Variants in DCDC1 observed in about 807,000 individuals in gnomAD.
The protein encoded by DCDC1 is doublecortin domain-containing protein 1.
DCDC1 carries 200 observed loss-of-function variants against 178.3 expected under a neutral mutation model. That is an observed-to-expected ratio of 1.12 (90% CI 1.00 to 1.26). The LOEUF (loss-of-function observed/expected upper bound fraction) is 1.26, where lower values mean the gene tolerates loss of function less well. Among genes scored for constraint, DCDC1 ranks in the 50% most tolerant of loss-of-function variants. The pLI is 0.00. For missense variants in DCDC1, 1,983 were observed against 1,749.2 expected, an observed-to-expected ratio of 1.13 and a Z score of -2.38; for synonymous variants, 690 against 604.8, an observed-to-expected ratio of 1.14 and a Z score of -2.07.
intron 20 of DCDC1, among the ~76,000 whole-genome samples, chr11:30,986,808 C>T (rs920644339): frequency 1.3e-5 from 2 of 152,046 alleles, no homozygotes; most frequent in African/African-American, 4.8e-5. Flanking sequence ...AATTTAAGTA[C>T]GTAGAGTAAC....
At chr11:31,193,281 G>GTATT (rs1970330165) in intron 9 of DCDC1, among the ~76,000 whole-genome samples, 1 of 151,696 alleles carries the variant, frequency 6.6e-6, no homozygotes, top group Admixed American at 6.6e-5. Context: ...TGTTTCTCTG[G>GTATT]AGAACCCTAA....
intron 20 of DCDC1, among the ~76,000 whole-genome samples, chr11:31,036,015 C>T (rs563297458): frequency 9.9e-5 from 15 of 152,146 alleles, no homozygotes; most frequent in Non-Finnish European, 1.8e-4. Flanking sequence ...CAGATTGGCT[C>T]CTGTGCCCCT....
At chr11:31,106,463 C>T (rs897791326) in intron 13 of DCDC1, among the ~76,000 whole-genome samples, 1 of 152,150 alleles carries the variant, frequency 6.6e-6, no homozygotes, top group African/African-American at 2.4e-5. Context: ...GCGACAATGA[C>T]AGTGTGATGG....
chr11:31,365,365 C>T (rs1341620183), intron 1 of DCDC1, among the ~76,000 whole-genome samples: 1 of 152,012 alleles, frequency 6.6e-6, no homozygotes, highest in Admixed American at 6.6e-5. Context: ...TCCCATGGTA[C>T]TTAAATACAG....
intron 32 of DCDC1, among the ~76,000 whole-genome samples, chr11:30,902,949 A>ATC (rs1944800900): frequency 6.6e-6 from 1 of 152,188 alleles, no homozygotes; most frequent in Non-Finnish European, 1.5e-5. Context: ...GTGTGTCCAA[A>ATC]AATGCAATAG....
At chr11:30,962,629 A>C (rs1052044370) in intron 20 of DCDC1, among the ~76,000 whole-genome samples, 3 of 152,132 alleles carry the variant, frequency 2.0e-5, no homozygotes, top group African/African-American at 7.2e-5. Context: ...TGGTACATTA[A>C]TAATAATTGC....
At chr11:31,004,339 G>A (rs1951725689) in intron 20 of DCDC1, among the ~76,000 whole-genome samples, 1 of 151,988 alleles carries the variant, frequency 6.6e-6, no homozygotes. Flanking sequence ...CAGAATGTCT[G>A]AATCAAAAGC....
At chr11:31,200,958 C>CA (rs1298796237) in intron 9 of DCDC1, among the ~76,000 whole-genome samples, 1 of 150,934 alleles carries the variant, frequency 6.6e-6, no homozygotes, top group Non-Finnish European at 1.5e-5. Flanking sequence ...AAAAAAAAAA[C>CA]AAAAAATCTT....
At chr11:31,244,338 C>A (rs1370295137) in intron 8 of DCDC1, among the ~76,000 whole-genome samples, 1 of 151,740 alleles carries the variant, frequency 6.6e-6, no homozygotes, top group Admixed American at 6.6e-5. Context: ...ATATTCTATA[C>A]CAAATCATAG....
At chr11:31,139,972 G>A (rs1963616091) in intron 9 of DCDC1, among the ~76,000 whole-genome samples, 1 of 152,112 alleles carries the variant, frequency 6.6e-6, no homozygotes, top group South Asian at 2.1e-4. Flanking sequence ...CATTCCAAAA[G>A]ATACATTTTA....
intron 1 of DCDC1, among the ~76,000 whole-genome samples, chr11:31,353,334 A>G (rs928679620): frequency 6.6e-6 from 1 of 152,236 alleles, no homozygotes; most frequent in Non-Finnish European, 1.5e-5. Flanking sequence ...TGCCATACAT[A>G]GGACATTTCT....
intron 7 of DCDC1, among the ~76,000 whole-genome samples, chr11:31,281,816 A>T (rs1377964733): frequency 6.6e-6 from 1 of 152,134 alleles, no homozygotes; most frequent in Non-Finnish European, 1.5e-5. Context: ...TTTGCCTTCC[A>T]CCATGATTAT....
At chr11:30,899,667 T>C (rs967621679) in intron 33 of DCDC1, 25 bp from the exon 34 acceptor site, 1 of 1,464,274 alleles carries the variant, frequency 6.8e-7, no homozygotes. Context: ...ATACAAGATA[T>C]TTTATCAACA....
At chr11:31,113,085 C>T (rs1273803179) in intron 11 of DCDC1, among the ~76,000 whole-genome samples, 2 of 152,000 alleles carry the variant, frequency 1.3e-5, no homozygotes, top group South Asian at 4.1e-4. Context: ...TTAACAAAAA[C>T]AATGCAAAAC....
At chr11:31,163,810 A>G (rs1460984697) in intron 9 of DCDC1, among the ~76,000 whole-genome samples, 1 of 152,198 alleles carries the variant, frequency 6.6e-6, no homozygotes, top group Non-Finnish European at 1.5e-5. Context: ...AAACAAAATC[A>G]GTGCTTCAAG....
intron 24 of DCDC1, among the ~76,000 whole-genome samples, chr11:30,921,898 C>G (rs1295510816): frequency 1.3e-5 from 2 of 151,942 alleles, no homozygotes; most frequent in Non-Finnish European, 1.5e-5. Flanking sequence ...AAGTGGATGC[C>G]AAGCAGGGGT....
At chr11:31,239,783 T>A (rs1246149793) in intron 9 of DCDC1, among the ~76,000 whole-genome samples, 1 of 151,880 alleles carries the variant, frequency 6.6e-6, no homozygotes, top group Non-Finnish European at 1.5e-5. Flanking sequence ...TAATATTTAA[T>A]AAAATATATT....
intron 9 of DCDC1, among the ~76,000 whole-genome samples, chr11:31,199,142 C>T (rs1971016480): frequency 2.0e-5 from 3 of 151,944 alleles, no homozygotes. Flanking sequence ...ATCAATGATT[C>T]ACATTTATTG....
Position 30,952,518 on chromosome 11 carries a change from G to T in DCDC1, c.2642C>A (p.Ser881Tyr). The change falls in exon 21 of 39, where the codon TCT (serine) becomes TAT (tyrosine). Residue 881 changes from serine (S) to tyrosine (Y), a missense_variant. Transcript: ENST00000684477. Reference protein sequence around the residue: ...GTSKPGQWKHSRVENPLWNKL... With the variant: ...GTSKPGQWKHYRVENPLWNKL... ...GTTCCATAGAGGATTTTCAACTCTAGAATGTTTCCACTGGCCTGGCTTACT... is the reference window on the plus strand; with the variant it reads ...GTTCCATAGAGGATTTTCAACTCTATAATGTTTCCACTGGCCTGGCTTACT... 1 of 1,588,304 alleles carries T rather than the reference G, an allele frequency of 6.3e-7. No individual in the cohort carries two copies. The highest frequency in any genetic ancestry group is 8.5e-7 in the Non-Finnish European group (1 of 1,171,848).
Sources: allele counts gnomAD v4.1 joint callset (sites outside exome capture counted in the v4.1 genomes callset), GRCh38; gene constraint gnomAD v4.1.1; transcripts MANE v1.5; gene names NCBI Gene and HGNC (gene_info 2026-07-23, HGNC 2026-07-21).